Variants in MAN1A2 observed in about 807,000 individuals in gnomAD.
MAN1A2 encodes mannosyl-oligosaccharide 1,2-alpha-mannosidase IB.
A neutral mutation model predicts 75.7 loss-of-function variants in MAN1A2; 26 were observed. The observed-to-expected ratio is 0.34, with a 90% confidence interval of 0.25 to 0.48. MAN1A2 has a LOEUF of 0.48. MAN1A2 is among the 20% of genes least tolerant of loss of function. The pLI is 0.99. For synonymous variants in MAN1A2, 247 were observed against 264.6 expected (o/e 0.93, Z 0.65); for missense variants, 562 against 775.5 (o/e 0.72, Z 3.27).
chr1:117,409,505 A>G (rs1208277452), intron 3 of MAN1A2, among the ~76,000 whole-genome samples: 6 of 148,590 alleles, frequency 4.0e-5, no homozygotes, highest in African/African-American at 1.5e-4. Context: ...TGAATTTTCC[A>G]TTTGTTCTTA....
chr1:117,489,922 G>T (rs900108292), intron 8 of MAN1A2, among the ~76,000 whole-genome samples: 1 of 151,512 alleles, frequency 6.6e-6, no homozygotes, highest in African/African-American at 2.4e-5. Flanking sequence ...GTGAATGAGG[G>T]TTATAAGAAA....
At chr1:117,458,824 A>G (rs1366184573) in intron 6 of MAN1A2, among the ~76,000 whole-genome samples, 3 of 151,964 alleles carry the variant, frequency 2.0e-5, no homozygotes, top group African/African-American at 7.2e-5. Context: ...GCGCCTGGCA[A>G]AAATATTTAT....
chr1:117,373,342 T>A (rs1348267909), intron 1 of MAN1A2, among the ~76,000 whole-genome samples: 1 of 152,166 alleles, frequency 6.6e-6, no homozygotes, highest in Non-Finnish European at 1.5e-5. Flanking sequence ...AATATTAAAG[T>A]CTGCTGGATG....
At chr1:117,401,242 G>A (rs897437112) in intron 1 of MAN1A2, among the ~76,000 whole-genome samples, 1 of 148,212 alleles carries the variant, frequency 6.7e-6, no homozygotes, top group Non-Finnish European at 1.5e-5. Context: ...TACATCTTTA[G>A]TGTTTTAAAA....
intron 6 of MAN1A2, among the ~76,000 whole-genome samples, chr1:117,447,885 AGGAAT>A (rs1649288970): frequency 6.6e-6 from 1 of 152,226 alleles, no homozygotes; most frequent in Admixed American, 6.5e-5. Flanking sequence ...CTTTTTGCTT[AGGAAT>A]GTCCTGGCTA....
At chr1:117,422,880 C>T (rs570690562) in intron 5 of MAN1A2, among the ~76,000 whole-genome samples, 1 of 152,112 alleles carries the variant, frequency 6.6e-6, no homozygotes, top group East Asian at 1.9e-4. Context: ...AGTGATTTAA[C>T]AGTATCTTTT....
chr1:117,517,397 TATG>T (rs1651744346), intron 12 of MAN1A2, among the ~76,000 whole-genome samples: 4 of 152,270 alleles, frequency 2.6e-5, no homozygotes, highest in South Asian at 2.1e-4. Flanking sequence ...TTAAAATATT[TATG>T]ATAACTATGT....
intron 12 of MAN1A2, among the ~76,000 whole-genome samples, chr1:117,512,681 C>T (rs972442289): frequency 3.3e-5 from 5 of 150,336 alleles, no homozygotes; most frequent in African/African-American, 1.2e-4. Context: ...AGACCAGAAC[C>T]GTGGTCTTTA....
intron 1 of MAN1A2, among the ~76,000 whole-genome samples, 156 bp from the exon 2 acceptor site, chr1:117,402,030 G>T (rs1226594223): frequency 6.6e-6 from 1 of 152,096 alleles, no homozygotes; most frequent in Admixed American, 6.5e-5. Flanking sequence ...TCTCATTCCA[G>T]ATCTGAATGT....
At chr1:117,517,961 G>T (rs1651762800) in intron 12 of MAN1A2, among the ~76,000 whole-genome samples, 1 of 151,896 alleles carries the variant, frequency 6.6e-6, no homozygotes, top group Admixed American at 6.6e-5. Flanking sequence ...ATGGCAGCAA[G>T]AATCAACCAT....
In MAN1A2 at chr1:117,526,841, C is replaced by CCTCTCTCTCTCTCTCTCTCTCT. The variant is rs759656863; in HGVS notation, c.*3903_*3924dup. ...TCAAATTGGCTAGGTCCTATCTTTTCCTCTCTCTCTCTCTCTCTCTCTCTC... is the reference window on the plus strand; with the variant it reads ...TCAAATTGGCTAGGTCCTATCTTTTCCTCTCTCTCTCTCTCTCTCTCTCTCTCTCTCTCTCTCTCTCTCTCTC... On this transcript the variant is annotated 3_prime_UTR_variant, in exon 13 of 13. Coordinates refer to ENST00000356554, the MANE Select transcript of MAN1A2 (RefSeq NM_006699.5). The CCTCTCTCTCTCTCTCTCTCTCT allele has an allele frequency of 3.0e-5, 2 of 66,132 alleles. No individual in the cohort carries two copies. Among genetic ancestry groups the CCTCTCTCTCTCTCTCTCTCTCT allele is most frequent in the African/African-American group, 1.4e-4 (2 of 14,456 alleles). 4.1% of individuals were successfully genotyped at this position (66,132 alleles called of 1,614,324 possible). A position where few individuals can be genotyped will look rare whatever the true frequency, so the allele number is the denominator to read the frequency against.
chr1:117,502,208 CT>C (rs140490290), intron 11 of MAN1A2, among the ~76,000 whole-genome samples: 18,170 of 151,586 alleles, frequency 0.12, 1,140 homozygotes, highest in Non-Finnish European at 0.14. Context: ...TCAAATGTGA[CT>C]GTATTTAAAG....
intron 5 of MAN1A2, among the ~76,000 whole-genome samples, chr1:117,435,884 C>T (rs1648830897): frequency 6.6e-6 from 1 of 151,976 alleles, no homozygotes; most frequent in African/African-American, 2.4e-5. Flanking sequence ...ATGGTGAAAC[C>T]CTCTCTCTAC....
At chr1:117,459,840 T>G (rs998971028) in intron 6 of MAN1A2, among the ~76,000 whole-genome samples, 1 of 152,192 alleles carries the variant, frequency 6.6e-6, no homozygotes, top group Non-Finnish European at 1.5e-5. Context: ...ATATTAATTT[T>G]CACACAGGCA....
chr1:117,486,008 C>G (rs1650686720), intron 8 of MAN1A2, among the ~76,000 whole-genome samples: 1 of 151,898 alleles, frequency 6.6e-6, no homozygotes, highest in African/African-American at 2.4e-5. Flanking sequence ...TAGAGGAAAC[C>G]CACACTAGCT....
intron 6 of MAN1A2, among the ~76,000 whole-genome samples, chr1:117,456,729 T>G (rs973998467): frequency 2.0e-5 from 3 of 152,054 alleles, no homozygotes; most frequent in African/African-American, 7.2e-5. Context: ...TTCTTTTGCT[T>G]TCATTCAGAA....
At chr1:117,496,200 A>G (rs1359839927) in intron 9 of MAN1A2, among the ~76,000 whole-genome samples, 1 of 151,990 alleles carries the variant, frequency 6.6e-6, no homozygotes, top group Non-Finnish European at 1.5e-5. Context: ...GTTAATGGCC[A>G]TTGCTTATAC....
intron 6 of MAN1A2, among the ~76,000 whole-genome samples, chr1:117,447,241 G>A (rs2101819580): frequency 6.6e-6 from 1 of 151,978 alleles, no homozygotes; most frequent in African/African-American, 2.4e-5. Flanking sequence ...ACATCATTTA[G>A]CAATAGATCT....
intron 5 of MAN1A2, among the ~76,000 whole-genome samples, chr1:117,438,042 A>G (rs1437095700): frequency 6.6e-6 from 1 of 152,224 alleles, no homozygotes; most frequent in Non-Finnish European, 1.5e-5. Flanking sequence ...GGCAATAAAT[A>G]AATAAGATAG....
Sources: gnomAD v4.1 joint callset for allele counts (sites outside exome capture counted in the v4.1 genomes callset) on GRCh38, gnomAD v4.1.1 for gene constraint, MANE v1.5 for transcripts, NCBI Gene and HGNC (gene_info 2026-07-23, HGNC 2026-07-21) for gene names.